MYBPC2: variants seen among roughly 807,000 people sequenced by gnomAD.
The protein encoded by MYBPC2 is myosin-binding protein C, fast-type.
Under a neutral mutation model 137.0 loss-of-function variants are expected in MYBPC2, and 122 were observed. The ratio of observed to expected loss-of-function variants is 0.89; its 90% CI spans 0.77 to 1.03. The LOEUF (loss-of-function observed/expected upper bound fraction) is 1.03, where lower values mean the gene tolerates loss of function less well. Ranked by LOEUF, MYBPC2 falls within the 50% of genes least tolerant of loss-of-function variation. The pLI, the probability that MYBPC2 is intolerant of heterozygous loss-of-function variation, is 0.00. For synonymous variants in MYBPC2, 626 were observed against 612.3 expected (o/e 1.02, Z -0.33); for missense variants, 1,500 against 1,534.4 (o/e 0.98, Z 0.37).
chr19:50,454,050 A>G lies in MYBPC2; in HGVS notation c.1780A>G (p.Ile594Val), dbSNP rs749951775. The G allele has an allele frequency of 3.1e-6, 5 of 1,607,616 alleles. No homozygotes were observed. The African/African-American group carries it at 4.0e-5, about 13-fold the overall frequency. The change falls in exon 17 of 28, where the codon ATC (isoleucine) becomes GTC (valine). Residue 594 changes from isoleucine to valine, a missense_variant. Ile to Val is a conservative substitution (Grantham distance 29). Coordinates refer to ENST00000357701, the MANE Select transcript of MYBPC2 (RefSeq NM_004533.4). Reference sequence around the variant, plus strand: ...CACGACCACCGAGGGCAGGACCCGCATCGAGAAGCGGGTGGACTGCAGCAG... The same window carrying G: ...CACGACCACCGAGGGCAGGACCCGCGTCGAGAAGCGGGTGGACTGCAGCAG... Reference protein sequence around the residue: ...VFTTTEGRTRIEKRVDCSSFV... With the variant: ...VFTTTEGRTRVEKRVDCSSFV...
chr19:50,455,789 G>T, intron 20 of MYBPC2, 145 bp downstream of exon 20: 1 of 1,232,218 alleles, frequency 8.1e-7, no homozygotes, highest in South Asian at 1.7e-5. Flanking sequence ...TAAGTCTCTG[G>T]GATGGGACCC....
chr19:50,435,272 C>A lies in MYBPC2; in HGVS notation c.109+22C>A. On this transcript the variant is annotated intron_variant, in intron 2 of 27. Coordinates refer to ENST00000357701, the MANE Select transcript of MYBPC2 (RefSeq NM_004533.4). The surrounding 1 kb of genome is among the most constrained non-coding windows in gnomAD (Gnocchi z 4.8). ...AAAGGTGAGGAGGTGCTCCCTCGGG[C>A]TCAACCGACCTGGCTTCTCATCTCC... 1 of 842,490 alleles carries A rather than the reference C, an allele frequency of 1.2e-6. No homozygotes were observed. The highest frequency in any genetic ancestry group is 2.0e-6 in the Non-Finnish European group (1 of 496,320). 52.2% of individuals were successfully genotyped at this position (842,490 alleles called of 1,614,324 possible). A position where few individuals can be genotyped will look rare whatever the true frequency, so the allele number is the denominator to read the frequency against.
chr19:50,465,136 T>A lies in MYBPC2; in HGVS notation c.3415+604T>A, dbSNP rs1399387328. Among the ~76,000 whole-genome samples, 1 of 151,932 alleles carries A rather than the reference T, an allele frequency of 6.6e-6. No individual in the cohort carries two copies. The highest frequency in any genetic ancestry group is 1.5e-5 in the Non-Finnish European group (1 of 67,982). ...GAGAGCTCTCTCTATCCAGAGCTGCTCTGCCCCAGCCCTGATCCCAGCCCG... is the reference window on the plus strand; with the variant it reads ...GAGAGCTCTCTCTATCCAGAGCTGCACTGCCCCAGCCCTGATCCCAGCCCG... On this transcript the variant is annotated intron_variant, in intron 27 of 27. Transcript: ENST00000357701. The surrounding 1 kb of genome is among the most constrained non-coding windows in gnomAD (Gnocchi z 4.5).
chr19:50,464,883 C>T (rs1469761403), intron 27 of MYBPC2, among the ~76,000 whole-genome samples: 4 of 152,222 alleles, frequency 2.6e-5, no homozygotes, highest in East Asian at 3.9e-4. Context: ...ATGGATAACA[C>T]GGATGACCAG....
chr19:50,458,626 G>T lies in MYBPC2; in HGVS notation c.2378G>T (p.Arg793Leu). The T allele has an allele frequency of 6.2e-7, 1 of 1,612,774 alleles. No individual in the cohort carries two copies. Among genetic ancestry groups the T allele is most frequent in the Non-Finnish European group, 8.5e-7 (1 of 1,179,884 alleles). ...WVPANTEPVE[R>L]CGFTVKNLPT... Reference sequence around the variant, plus strand: ...CCTGCCAACACCGAGCCCGTGGAGCGCTGTGGCTTCACCGTCAAGAATCTC... The same window carrying T: ...CCTGCCAACACCGAGCCCGTGGAGCTCTGTGGCTTCACCGTCAAGAATCTC... The change falls in exon 21 of 28, where the codon CGC becomes CTC. Residue 793 changes from arginine (R) to leucine (L), a missense_variant. Coordinates refer to ENST00000357701, the MANE Select transcript of MYBPC2 (RefSeq NM_004533.4).
At chr19:50,442,540 C>A (rs2039765847) in intron 9 of MYBPC2, among the ~76,000 whole-genome samples, 1 of 151,974 alleles carries the variant, frequency 6.6e-6, no homozygotes, top group African/African-American at 2.4e-5. Context: ...CATGGTGAAA[C>A]CCCATTTCTA....
intron 20 of MYBPC2, among the ~76,000 whole-genome samples, 198 bp from the exon 21 acceptor site, chr19:50,458,389 T>A (rs887830973): frequency 6.7e-6 from 1 of 148,352 alleles, no homozygotes; most frequent in Non-Finnish European, 1.5e-5. Context: ...AAAAAAAAAA[T>A]TAATGAGCGA....
Position 50,457,170 on chromosome 19 carries a change from G to A in MYBPC2, c.2339-1417G>A, listed in dbSNP as rs183756873. On this transcript the variant is annotated intron_variant, in intron 20 of 27. Coordinates refer to ENST00000357701, the MANE Select transcript of MYBPC2 (RefSeq NM_004533.4). Reference sequence around the variant, plus strand: ...GACAGGGTACAGTGACGATGTACTCGAGAATGCATGGAAAGGAGGGATGGT... The same window carrying A: ...GACAGGGTACAGTGACGATGTACTCAAGAATGCATGGAAAGGAGGGATGGT... Among the ~76,000 whole-genome samples, 15 of 152,234 alleles carry A rather than the reference G, an allele frequency of 9.9e-5. No individual in the cohort carries two copies. The East Asian group carries it at 2.7e-3, about 27-fold the overall frequency.
intron 13 of MYBPC2, 60 bp downstream of exon 13, chr19:50,448,450 T>C: frequency 6.4e-7 from 1 of 1,559,312 alleles, no homozygotes; most frequent in Non-Finnish European, 8.7e-7. Context: ...TAGCTTTAGC[T>C]GTGTAACAAG....
intron 20 of MYBPC2, among the ~76,000 whole-genome samples, chr19:50,457,127 G>A (rs1031252181): frequency 2.0e-5 from 3 of 152,156 alleles, no homozygotes; most frequent in African/African-American, 4.8e-5. Context: ...TAACCATGGC[G>A]AAGACAGTTC....
chr19:50,442,154 A>G (rs10409570), intron 8 of MYBPC2, 27 bp from the exon 9 acceptor site: 94,012 of 1,571,040 alleles, frequency 0.06, 3,399 homozygotes, highest in African/African-American at 0.15. Context: ...ACACGCCTCC[A>G]TCCCCTTTGC....
intron 8 of MYBPC2, 92 bp downstream of exon 8, chr19:50,441,168 C>T (rs1404043532): frequency 1.0e-5 from 14 of 1,344,304 alleles, no homozygotes; most frequent in African/African-American, 1.5e-5. Flanking sequence ...CCTATCTTTT[C>T]GAGGTCCCAA....
At position 50,453,726 on chromosome 19, in the gene MYBPC2, G is replaced by A. The variant is rs543657299; in HGVS notation, c.1750-294G>A. On this transcript the variant is annotated intron_variant, in intron 16 of 27. Coordinates refer to ENST00000357701, the MANE Select transcript of MYBPC2 (RefSeq NM_004533.4). ...CGGCTAATTTTGTATTTTTAGTAGA[G>A]ATGGGGTTTCACCATGTTGGCCAGG... 2.6e-5 allele frequency among the ~76,000 whole-genome samples: 4 copies of A among 152,080 alleles called. No individual in the cohort carries two copies. The South Asian group carries it at 8.3e-4, about 32-fold the overall frequency.
rs200756484 is a variant in MYBPC2, at chr19:50,466,150, A to C, written c.3416-45A>C. 95 of 1,612,658 alleles carry C rather than the reference A, an allele frequency of 5.9e-5. No individual in the cohort carries two copies. The highest frequency in any genetic ancestry group is 6.0e-5 in the Non-Finnish European group (71 of 1,179,694). On this transcript the variant is annotated intron_variant, in intron 27 of 27. Coordinates refer to ENST00000357701, the MANE Select transcript of MYBPC2 (RefSeq NM_004533.4). The surrounding 1 kb of genome is among the most constrained non-coding windows in gnomAD (Gnocchi z 4.9). ...CTCCTCCTCCTGGGGCTTCAGGAGG[A>C]GGCGTGCCCGGGCCTGGCTCACCCG... is the stretch of plus-strand genomic sequence containing the variant.
intron 8 of MYBPC2, among the ~76,000 whole-genome samples, chr19:50,441,875 AAAATAAAATAAAAT>A (rs1457753621): frequency 3.4e-5 from 5 of 148,704 alleles, no homozygotes; most frequent in African/African-American, 1.3e-4. Context: ...AAAATAAAAT[AAAATAAAATAAAAT>A]AAATAAATAA....
intron 1 of MYBPC2, among the ~76,000 whole-genome samples, chr19:50,433,540 G>A (rs2039676270): frequency 6.6e-6 from 1 of 151,978 alleles, no homozygotes; most frequent in African/African-American, 2.4e-5. Flanking sequence ...GGGATTACAG[G>A]CCTGCGCCAC....
intron 23 of MYBPC2, among the ~76,000 whole-genome samples, chr19:50,459,633 G>GTGGGAGAGGAGGTGAGAGATGAGGGA (rs1568668794): frequency 1.0e-5 from 1 of 99,018 alleles, no homozygotes; most frequent in African/African-American, 4.2e-5. Flanking sequence ...GAGACGAGGG[G>GTGGGAGAGGAGGTGAGAGATGAGGGA]TGGGAGAGGA....
intron 13 of MYBPC2, among the ~76,000 whole-genome samples, chr19:50,449,877 C>T (rs949079182): frequency 2.6e-5 from 4 of 151,940 alleles, no homozygotes; most frequent in Admixed American, 6.6e-5. Flanking sequence ...TGATAATGGC[C>T]GGGCATGGTG....
intron 13 of MYBPC2, among the ~76,000 whole-genome samples, chr19:50,450,234 G>A (rs548608785): frequency 1.3e-5 from 2 of 152,188 alleles, no homozygotes; most frequent in South Asian, 4.2e-4. Context: ...TATGTGCCAG[G>A]TACTTTTCTA....
Sources: gnomAD v4.1 joint callset for allele counts (sites outside exome capture counted in the v4.1 genomes callset) on GRCh38, gnomAD v4.1.1 for gene constraint, Gnocchi (gnomAD v3.1) non-coding constraint, MANE v1.5 for transcripts, NCBI Gene and HGNC (gene_info 2026-07-23, HGNC 2026-07-21) for gene names.